The following MGAM2 variants were observed in gnomAD, a reference collection of about 807,000 sequenced individuals.
MGAM2 encodes probable maltase-glucoamylase 2.
In MGAM2, 98 loss-of-function variants were observed where a neutral mutation model predicts 96.1. That is an observed-to-expected ratio of 1.02 (90% CI 0.87 to 1.21). The LOEUF (loss-of-function observed/expected upper bound fraction) is 1.21. MGAM2 is among the 50% of genes most tolerant of loss of function. MGAM2 has a pLI of 0.00. For missense variants in MGAM2, 2,055 were observed against 1,182.4 expected (o/e 1.74, Z -10.82); for synonymous variants, 749 against 414.8 (o/e 1.81, Z -9.79).
intron 32 of MGAM2, among the ~76,000 whole-genome samples, 157 bp from the exon 33 acceptor site, chr7:142,183,109 A>G (rs1237070479): frequency 6.6e-6 from 1 of 152,022 alleles, no homozygotes; most frequent in South Asian, 2.1e-4. Context: ...GCAGTAAGAC[A>G]TAAGGCAAAT....
intron 3 of MGAM2, among the ~76,000 whole-genome samples, chr7:142,120,613 T>C (rs1182189317): frequency 6.6e-6 from 1 of 152,176 alleles, no homozygotes; most frequent in South Asian, 2.1e-4. Context: ...GATTATAAAG[T>C]CCAAGGTGGA....
chr7:142,204,385 T>C (rs1797334542), intron 45 of MGAM2, among the ~76,000 whole-genome samples: 1 of 151,978 alleles, frequency 6.6e-6, no homozygotes, highest in Admixed American at 6.6e-5. Context: ...AGAAAAAATA[T>C]GAAGGAATTA....
At chr7:142,206,014 G>A (rs1797389861) in intron 45 of MGAM2, among the ~76,000 whole-genome samples, 1 of 152,070 alleles carries the variant, frequency 6.6e-6, no homozygotes, top group South Asian at 2.1e-4. Flanking sequence ...GTGGATTACA[G>A]TTGTCCCAGA....
At chr7:142,218,593 C>A in intron 47 of MGAM2, 62 bp downstream of exon 47, 1 of 539,606 alleles carries the variant, frequency 1.9e-6, no homozygotes, top group Non-Finnish European at 3.3e-6. Flanking sequence ...AAAATTATCA[C>A]CAATAATTTT....
At chr7:142,143,946 T>A in intron 13 of MGAM2, 64 bp downstream of exon 13, 1 of 694,110 alleles carries the variant, frequency 1.4e-6, no homozygotes, top group South Asian at 1.5e-5. Context: ...TTCAGATGAG[T>A]TTTGACCTTG....
At chr7:142,213,487 G>A (rs1048178138) in intron 46 of MGAM2, among the ~76,000 whole-genome samples, 6 of 152,060 alleles carry the variant, frequency 3.9e-5, no homozygotes, top group African/African-American at 1.4e-4. Context: ...ATGGTAGAGA[G>A]GAGATCACCG....
intron 22 of MGAM2, 90 bp downstream of exon 22, chr7:142,161,303 T>G: frequency 1.6e-6 from 1 of 623,346 alleles, no homozygotes; most frequent in Non-Finnish European, 2.9e-6. Flanking sequence ...GCACTAACCC[T>G]ATTAGCACTG....
At chr7:142,141,541 C>T (rs1416643905) in intron 12 of MGAM2, among the ~76,000 whole-genome samples, 1 of 152,022 alleles carries the variant, frequency 6.6e-6, no homozygotes, top group Non-Finnish European at 1.5e-5. Context: ...ACTTTTGTCA[C>T]CCTGGCTGAG....
intron 6 of MGAM2, among the ~76,000 whole-genome samples, 178 bp from the exon 7 acceptor site, chr7:142,133,803 G>A (rs1288741545): frequency 2.0e-5 from 3 of 152,120 alleles, no homozygotes; most frequent in Non-Finnish European, 4.4e-5. Context: ...CCCTAATGCT[G>A]TCTTCCTCTA....
chr7:142,206,840 AT>A (rs1797415739), intron 45 of MGAM2, among the ~76,000 whole-genome samples: 1 of 152,232 alleles, frequency 6.6e-6, no homozygotes, highest in African/African-American at 2.4e-5. Flanking sequence ...GGAACCATTT[AT>A]TTAACTTTTC....
At chr7:142,136,476 T>A in intron 7 of MGAM2, 65 bp from the exon 8 acceptor site, 1 of 559,170 alleles carries the variant, frequency 1.8e-6, no homozygotes, top group Non-Finnish European at 3.2e-6. Context: ...TTTGAATTTA[T>A]TTTAGGGTGA....
chr7:142,192,139 T>C (rs973676452), intron 37 of MGAM2, among the ~76,000 whole-genome samples: 1 of 152,158 alleles, frequency 6.6e-6, no homozygotes, highest in Non-Finnish European at 1.5e-5. Context: ...CTCATACTAT[T>C]TGATTTTGGG....
intron 14 of MGAM2, among the ~76,000 whole-genome samples, chr7:142,146,320 T>C (rs1166653763): frequency 6.6e-6 from 1 of 152,032 alleles, no homozygotes; most frequent in Non-Finnish European, 1.5e-5. Flanking sequence ...CAGGATTGCA[T>C]AGTGCACATT....
rs1204981737 is a variant in MGAM2 at position 142,172,149 on chromosome 7, G to A, written c.3403G>A (p.Asp1135Asn). 1.4e-6 allele frequency: 1 copy of A among 732,138 alleles called. No individual in the cohort carries two copies. Among genetic ancestry groups the A allele is most frequent in the Non-Finnish European group, 2.5e-6 (1 of 399,104 alleles). 45.4% of individuals were successfully genotyped at this position (732,138 alleles called of 1,614,324 possible). A position where few individuals can be genotyped will look rare whatever the true frequency, so the allele number is the denominator to read the frequency against. Residue 1135 changes from aspartate to asparagine, a missense_variant, in exon 29 of 48, where the codon GAT becomes AAT. Coordinates refer to ENST00000477922, the MANE Select transcript of MGAM2 (RefSeq NM_001293626.2). ...VHPYYMALEE[D>N]GSAHGVLLLN... ...CCCTTACTACATGGCACTGGAGGAGGATGGTAGTGCCCATGGAGTGCTCCT... is the reference window on the plus strand; with the variant it reads ...CCCTTACTACATGGCACTGGAGGAGAATGGTAGTGCCCATGGAGTGCTCCT...
chr7:142,149,955 T>C (rs1795519696), intron 15 of MGAM2, among the ~76,000 whole-genome samples: 1 of 151,936 alleles, frequency 6.6e-6, no homozygotes, highest in Non-Finnish European at 1.5e-5. Flanking sequence ...TCTTTTTTTT[T>C]TTTGAGACAG....
chr7:142,215,672 C>T (rs891446753), intron 46 of MGAM2, among the ~76,000 whole-genome samples: 1 of 149,760 alleles, frequency 6.7e-6, no homozygotes, highest in Non-Finnish European at 1.5e-5. Flanking sequence ...GCGGGAGAAT[C>T]GCTTGAACCT....
At chr7:142,152,169 T>G (rs1795601202) in intron 15 of MGAM2, among the ~76,000 whole-genome samples, 1 of 93,720 alleles carries the variant, frequency 1.1e-5, no homozygotes, top group Non-Finnish European at 2.2e-5. Flanking sequence ...CTTTAAGATG[T>G]TTAAAAAAAA....
chr7:142,221,583 G>T lies in MGAM2; in HGVS notation c.7072G>T (p.Val2358Phe). ...TKSTMVIDAT[V>F]TTTSTKDNTM... ...AAGTACCATGGTAATAGATGCTACG[G>T]TCACTACTACCAGCACCAAAGATAA... Residue 2358 changes from valine to phenylalanine, a missense_variant, in exon 48 of 48, where the codon GTC becomes TTC. By Grantham distance (50) the Val-to-Phe change is conservative. Coordinates refer to ENST00000477922, the MANE Select transcript of MGAM2 (RefSeq NM_001293626.2). 1 of 524,272 alleles carries T rather than the reference G, an allele frequency of 1.9e-6. No individual in the cohort carries two copies. The highest frequency in any genetic ancestry group is 3.3e-6 in the Non-Finnish European group (1 of 300,384). The allele number at this position is 524,272 out of a possible 1,614,324, so 32.5% of individuals were successfully genotyped here.
chr7:142,121,016 C>T (rs913487601), intron 3 of MGAM2, among the ~76,000 whole-genome samples: 1 of 151,910 alleles, frequency 6.6e-6, no homozygotes, highest in Non-Finnish European at 1.5e-5. Flanking sequence ...TTTCTTGGCC[C>T]CATATTCTAA....
Sources: allele counts gnomAD v4.1 joint callset (sites outside exome capture counted in the v4.1 genomes callset), GRCh38; gene constraint gnomAD v4.1.1; transcripts MANE v1.5; gene names NCBI Gene and HGNC (gene_info 2026-07-23, HGNC 2026-07-21).